KCNIP4: variants seen among roughly 807,000 people sequenced by gnomAD.
The protein encoded by KCNIP4 is potassium voltage-gated channel interacting protein 4.
A neutral mutation model predicts 34.0 loss-of-function variants in KCNIP4; 12 were observed. That is an observed-to-expected ratio of 0.35 (90% CI 0.23 to 0.57). The LOEUF is 0.57. Among genes scored for constraint, KCNIP4 ranks in the 20% least tolerant of loss-of-function variants. KCNIP4 has a pLI of 0.83. For missense variants in KCNIP4, 238 were observed against 311.7 expected, an observed-to-expected ratio of 0.76 and a Z score of 1.78; for synonymous variants, 124 against 102.2, an observed-to-expected ratio of 1.21 and a Z score of -1.29.
intron 1 of KCNIP4, among the ~76,000 whole-genome samples, chr4:21,147,519 C>T (rs965942669): frequency 3.9e-5 from 6 of 152,092 alleles, no homozygotes; most frequent in Non-Finnish European, 7.4e-5. Flanking sequence ...TGTTGAGCTC[C>T]TAACACATAA....
chr4:21,854,617 C>CCTTG (rs1724633479), intron 1 of KCNIP4, among the ~76,000 whole-genome samples: 1 of 152,062 alleles, frequency 6.6e-6, no homozygotes, highest in Non-Finnish European at 1.5e-5. Flanking sequence ...TGGGCTCTAC[C>CCTTG]CTTGGCACAC....
At chr4:21,016,772 G>A (rs765409637) in intron 1 of KCNIP4, among the ~76,000 whole-genome samples, 9 of 152,066 alleles carry the variant, frequency 5.9e-5, no homozygotes, top group Non-Finnish European at 1.0e-4. Flanking sequence ...TACCATACCC[G>A]GTTAACATGC....
intron 1 of KCNIP4, among the ~76,000 whole-genome samples, chr4:21,370,882 C>CACGT (rs367553482): frequency 0.053 from 2,071 of 39,150 alleles, 442 homozygotes; most frequent in Middle Eastern, 0.096. Flanking sequence ...CACACACACA[C>CACGT]GTGTGTGTGT....
intron 3 of KCNIP4, among the ~76,000 whole-genome samples, chr4:20,801,540 CAT>C (rs1714235760): frequency 6.6e-6 from 1 of 152,016 alleles, no homozygotes; most frequent in Non-Finnish European, 1.5e-5. Flanking sequence ...ACATCAAAAA[CAT>C]AAGTTATAGG....
At chr4:21,488,948 T>C (rs1732140573) in intron 1 of KCNIP4, among the ~76,000 whole-genome samples, 1 of 152,088 alleles carries the variant, frequency 6.6e-6, no homozygotes, top group African/African-American at 2.4e-5. Flanking sequence ...TTTGAGGAAA[T>C]GTCTAAGCAT....
intron 1 of KCNIP4, among the ~76,000 whole-genome samples, chr4:21,392,825 C>A (rs1156740648): frequency 1.3e-5 from 2 of 152,064 alleles, no homozygotes; most frequent in Admixed American, 6.6e-5. Flanking sequence ...AATTAAGAGA[C>A]CGAAACAAAC....
chr4:21,569,864 GA>G (rs1029715514), intron 1 of KCNIP4, among the ~76,000 whole-genome samples: 10 of 151,990 alleles, frequency 6.6e-5, no homozygotes, highest in African/African-American at 1.9e-4. Flanking sequence ...ACCTCTTAGG[GA>G]AAAAAAGCCA....
chr4:21,805,637 C>A (rs1050197087), intron 1 of KCNIP4, among the ~76,000 whole-genome samples: 4 of 152,166 alleles, frequency 2.6e-5, no homozygotes, highest in South Asian at 2.1e-4. Context: ...TACCAAATAT[C>A]CTGCAGTCTC....
chr4:20,885,008 G>T lies in KCNIP4; in HGVS notation c.62-2299C>A, dbSNP rs576794681. On this transcript the variant is annotated intron_variant, in intron 1 of 8. Transcript: ENST00000382152. ...GAGCTACTGCGCCCAGCCCCATGAG[G>T]CTTTTAAAACTCAGTTCAAACACAC... 4.6e-5 allele frequency among the ~76,000 whole-genome samples: 7 copies of T among 151,986 alleles called. No homozygotes were observed. The East Asian group carries it at 1.4e-3, about 30-fold the overall frequency.
At chr4:21,055,871 T>C (rs961124685) in intron 1 of KCNIP4, among the ~76,000 whole-genome samples, 3 of 152,204 alleles carry the variant, frequency 2.0e-5, no homozygotes, top group African/African-American at 7.2e-5. Flanking sequence ...ACACGTGTCA[T>C]TATACATACA....
chr4:20,742,787 G>A (rs143218712), intron 5 of KCNIP4, among the ~76,000 whole-genome samples: 6,052 of 152,078 alleles, frequency 0.04, 186 homozygotes, highest in Middle Eastern at 0.065. Flanking sequence ...CCCTGTTTGC[G>A]GATGACATGA....
In KCNIP4 at chr4:21,306,315, G is replaced by T. The variant is rs114596029; in HGVS notation, c.62-423606C>A. The stretch of plus-strand genomic sequence containing the variant: ...ATTAAAAATCCAAATATTGGCACAA[G>T]TGCTTATCAGCATGGGGTGAAGGTT... On this transcript the variant is annotated intron_variant, in intron 1 of 8. Coordinates refer to ENST00000382152, the MANE Select transcript of KCNIP4 (RefSeq NM_025221.6). Among the ~76,000 whole-genome samples, 409 of 152,352 alleles carry T rather than the reference G, an allele frequency of 2.7e-3. 3 individuals carry two copies. Among genetic ancestry groups the T allele is most frequent in the African/African-American group, 9.2e-3 (382 of 41,580 alleles).
At chr4:21,141,626 C>T (rs186293336) in intron 1 of KCNIP4, among the ~76,000 whole-genome samples, 57 of 152,128 alleles carry the variant, frequency 3.7e-4, no homozygotes, top group South Asian at 2.3e-3. Flanking sequence ...TTTGAATACA[C>T]GCTTACCATA....
At chr4:21,212,543 A>G (rs1439328191) in intron 1 of KCNIP4, among the ~76,000 whole-genome samples, 2 of 152,192 alleles carry the variant, frequency 1.3e-5, no homozygotes, top group Non-Finnish European at 2.9e-5. Context: ...GATTGCTACA[A>G]TGAATATCAC....
Position 21,652,590 on chromosome 4 carries a change from A to C in KCNIP4, c.61+295981T>G, listed in dbSNP as rs549291289. Among the ~76,000 whole-genome samples, 3 of 152,334 alleles carry C rather than the reference A, an allele frequency of 2.0e-5. No individual in the cohort carries two copies. In the South Asian group the frequency reaches 6.2e-4, roughly 32 times the overall value. ...CTGTGCTTGCTGATATATAAGGAAA[A>C]TAAATTTTCCTTGAGCCACATGCTA... is the stretch of plus-strand genomic sequence containing the variant. On this transcript the variant is annotated intron_variant, in intron 1 of 8. Transcript: ENST00000382152.
At chr4:21,192,970 A>ATTG (rs1381041333) in intron 1 of KCNIP4, among the ~76,000 whole-genome samples, 5 of 133,952 alleles carry the variant, frequency 3.7e-5, no homozygotes, top group Admixed American at 2.2e-4. Context: ...AATAATAATT[A>ATTG]GTTGGGTGTG....
chr4:21,691,805 T>A (rs1711674072), intron 1 of KCNIP4, among the ~76,000 whole-genome samples: 1 of 150,670 alleles, frequency 6.6e-6, no homozygotes, highest in Admixed American at 6.7e-5. Flanking sequence ...TTCAAGTGAT[T>A]CTCCTGCTTC....
chr4:21,262,971 A>T (rs1489962307), intron 1 of KCNIP4, among the ~76,000 whole-genome samples: 2 of 152,160 alleles, frequency 1.3e-5, no homozygotes, highest in Non-Finnish European at 2.9e-5. Flanking sequence ...GTTTATTTTT[A>T]AGAGTGAATG....
intron 1 of KCNIP4, among the ~76,000 whole-genome samples, chr4:21,895,075 C>T (rs560719619): frequency 2.2e-4 from 33 of 152,302 alleles, no homozygotes; most frequent in African/African-American, 7.2e-4. Context: ...TGCTGCCTTA[C>T]ATTTCTCAAT....
Sources: gnomAD v4.1 joint callset for allele counts (sites outside exome capture counted in the v4.1 genomes callset) on GRCh38, gnomAD v4.1.1 for gene constraint, MANE v1.5 for transcripts, NCBI Gene and HGNC (gene_info 2026-07-23, HGNC 2026-07-21) for gene names.